Variants in CD109 observed in about 807,000 individuals in gnomAD.
CD109 encodes CD109 antigen.
Under a neutral mutation model 165.8 loss-of-function variants are expected in CD109, and 149 were observed. That is an observed-to-expected ratio of 0.90 (90% CI 0.79 to 1.03). CD109 has a LOEUF of 1.03. CD109 is among the 50% of genes least tolerant of loss of function. The probability of loss-of-function intolerance (pLI) is 0.00; values close to 1 mark genes in which losing one functional copy is unlikely to be tolerated. For missense variants in CD109, 1,712 were observed against 1,677.8 expected (o/e 1.02, Z -0.36); for synonymous variants, 585 against 592.1 (o/e 0.99, Z 0.18).
intron 4 of CD109, among the ~76,000 whole-genome samples, chr6:73,734,028 C>T (rs1365239352): frequency 6.6e-6 from 1 of 152,192 alleles, no homozygotes; most frequent in Non-Finnish European, 1.5e-5. Context: ...GGGTATTGCT[C>T]ATACTGTACA....
chr6:73,807,168 A>C, intron 25 of CD109, 96 bp downstream of exon 25: 1 of 878,554 alleles, frequency 1.1e-6, no homozygotes, highest in Non-Finnish European at 1.8e-6. Context: ...AACAAGTTGC[A>C]GCTTTACAAC....
upstream of CD109, chr6:73,694,787 C>T (rs1272785565): frequency 6.6e-6 from 1 of 152,274 alleles, no homozygotes. Flanking sequence ...TGACCATGGT[C>T]CTCCTCTCTG....
intron 5 of CD109, among the ~76,000 whole-genome samples, chr6:73,753,072 A>G (rs757454939): frequency 6.7e-6 from 1 of 149,202 alleles, no homozygotes; most frequent in Non-Finnish European, 1.5e-5. Flanking sequence ...ACCCTGGCAG[A>G]AAAACCAAAT....
chr6:73,764,074 A>G (rs757281483), intron 10 of CD109, among the ~76,000 whole-genome samples: 7 of 152,306 alleles, frequency 4.6e-5, no homozygotes, highest in Non-Finnish European at 1.0e-4. Context: ...TTATCAACAA[A>G]TCTCATTTTT....
At chr6:73,704,405 C>T (rs920443881) in intron 2 of CD109, among the ~76,000 whole-genome samples, 1 of 152,072 alleles carries the variant, frequency 6.6e-6, no homozygotes, top group Admixed American at 6.6e-5. Flanking sequence ...TTTAAGCAAC[C>T]CTCAACCCTA....
intron 5 of CD109, 84 bp downstream of exon 5, chr6:73,736,592 C>A: frequency 8.5e-7 from 1 of 1,183,288 alleles, no homozygotes; most frequent in Non-Finnish European, 1.2e-6. Context: ...GTCATTTATA[C>A]AATGAAGAGA....
At chr6:73,755,459 C>T (rs1773354943) in intron 5 of CD109, among the ~76,000 whole-genome samples, 1 of 152,036 alleles carries the variant, frequency 6.6e-6, no homozygotes, top group African/African-American at 2.4e-5. Flanking sequence ...TCTTTTAGGA[C>T]TGAAAAATAA....
rs751282410 is a variant in CD109, at chr6:73,785,385, T to A, written c.2245T>A (p.Phe749Ile). 5 of 1,603,954 alleles carry A rather than the reference T, an allele frequency of 3.1e-6. No homozygotes were observed. Among genetic ancestry groups the A allele is most frequent in the Non-Finnish European group, 4.3e-6 (5 of 1,173,800 alleles). ...CCAGCTCCAAGCCTTCCAACCATTT[T>A]TCATTTTTTTGAATCTTCCCTACTC... is the stretch of plus-strand genomic sequence containing the variant. ...PVELQAFQPFFIFLNLPYSVI... is the reference protein window; with the variant it reads ...PVELQAFQPFIIFLNLPYSVI... Residue 749 changes from phenylalanine to isoleucine, a missense_variant, in exon 20 of 33, where the codon TTC (phenylalanine) becomes ATC (isoleucine). Coordinates refer to ENST00000287097, the MANE Select transcript of CD109 (RefSeq NM_133493.5).
intron 2 of CD109, among the ~76,000 whole-genome samples, chr6:73,709,098 T>C (rs1293264825): frequency 1.3e-5 from 2 of 152,246 alleles, no homozygotes; most frequent in African/African-American, 4.8e-5. Flanking sequence ...TGAATGGTAT[T>C]GCCTAGGTTT....
intron 2 of CD109, among the ~76,000 whole-genome samples, chr6:73,714,158 G>A (rs1264217429): frequency 6.6e-6 from 1 of 152,208 alleles, no homozygotes; most frequent in Non-Finnish European, 1.5e-5. Flanking sequence ...GGACATTGTG[G>A]TGGATGCTGT....
intron 29 of CD109, among the ~76,000 whole-genome samples, chr6:73,813,009 C>T (rs1000618258): frequency 1.3e-5 from 2 of 152,064 alleles, no homozygotes; most frequent in Non-Finnish European, 1.5e-5. Flanking sequence ...AAAACCAGAA[C>T]AACCATTCTA....
intron 2 of CD109, among the ~76,000 whole-genome samples, chr6:73,715,290 C>T (rs939736939): frequency 1.3e-4 from 20 of 151,286 alleles, no homozygotes; most frequent in African/African-American, 2.9e-4. Flanking sequence ...TGATGAGGCA[C>T]GGTGACTCAC....
intron 5 of CD109, among the ~76,000 whole-genome samples, chr6:73,747,983 C>T (rs1408808149): frequency 1.3e-5 from 2 of 152,058 alleles, no homozygotes; most frequent in East Asian, 3.9e-4. Context: ...GATCTTCCTG[C>T]CTCCATCTCC....
In CD109 at chr6:73,728,964, C is replaced by T. The variant is rs573809742; in HGVS notation, c.277-1380C>T. On this transcript the variant is annotated intron_variant, in intron 3 of 32. Transcript: ENST00000287097. The stretch of plus-strand genomic sequence containing the variant: ...TGGGCATTTCTGATTTGGAGTCTCA[C>T]GAGGTTGCAATCAAGATATCAGCTA... Among the ~76,000 whole-genome samples the T allele has an allele frequency of 1.2e-4, 19 of 152,288 alleles. No individual in the cohort carries two copies. The South Asian group carries it at 2.3e-3, about 18-fold the overall frequency.
At position 73,766,022 on chromosome 6, in the gene CD109, G is replaced by A; in HGVS notation, c.1200G>A (p.Glu400=). The A allele has an allele frequency of 6.2e-7, 1 of 1,613,836 alleles. No individual in the cohort carries two copies. The highest frequency in any genetic ancestry group is 1.1e-5 in the South Asian group (1 of 91,074). ...VITVTQRNYT[E]YWSGSNSGNQ... is the part of the protein sequence containing the mutation. ...CAGTGACACAGAGAAACTATACTGA[G>A]TACTGGAGCGGATCTAACAGTGGAA... The change falls in exon 11 of 33, where the codon GAG becomes GAA. Residue 400 remains glutamate, a synonymous_variant. Coordinates refer to ENST00000287097, the MANE Select transcript of CD109 (RefSeq NM_133493.5).
chr6:73,740,025 C>T (rs537571447), intron 5 of CD109, among the ~76,000 whole-genome samples: 15 of 152,074 alleles, frequency 9.9e-5, no homozygotes, highest in African/African-American at 2.9e-4. Flanking sequence ...TGTGCCACTA[C>T]GCCTGCCTAG....
At chr6:73,818,564 G>A (rs766537827) in intron 31 of CD109, 29 bp downstream of exon 31, 3 of 1,599,530 alleles carry the variant, frequency 1.9e-6, no homozygotes, top group Non-Finnish European at 2.6e-6. Context: ...GGTAACTGTT[G>A]ACAAAGCCAC....
intron 3 of CD109, among the ~76,000 whole-genome samples, chr6:73,725,425 T>C (rs1772098230): frequency 6.6e-6 from 1 of 151,638 alleles, no homozygotes; most frequent in Non-Finnish European, 1.5e-5. Flanking sequence ...GGCAAGGGCA[T>C]GAGAGTTTCT....
At chr6:73,771,334 G>A in intron 14 of CD109, 95 bp from the exon 15 acceptor site, 1 of 939,548 alleles carries the variant, frequency 1.1e-6, no homozygotes, top group Non-Finnish European at 1.6e-6. Context: ...GGCAAATGTA[G>A]AATCTTTGCT....
Sources: gnomAD v4.1 joint callset for allele counts (sites outside exome capture counted in the v4.1 genomes callset) on GRCh38, gnomAD v4.1.1 for gene constraint, MANE v1.5 for transcripts, NCBI Gene and HGNC (gene_info 2026-07-23, HGNC 2026-07-21) for gene names.